The following PCDHGB5 variants were observed in gnomAD, a reference collection of about 807,000 sequenced individuals.
The protein encoded by PCDHGB5 is protocadherin gamma-B5.
PCDHGB5 carries 48 observed loss-of-function variants against 62.9 expected under a neutral mutation model. That is an observed-to-expected ratio of 0.76 (90% CI 0.61 to 0.97). PCDHGB5 has a LOEUF of 0.97. Ranked by LOEUF, PCDHGB5 falls within the 50% of genes least tolerant of loss-of-function variation. The probability of loss-of-function intolerance (pLI) is 0.00; values close to 1 mark genes in which losing one functional copy is unlikely to be tolerated. For synonymous variants in PCDHGB5, 474 were observed against 511.2 expected, an observed-to-expected ratio of 0.93 and a Z score of 0.98; for missense variants, 1,118 against 1,198.6, an observed-to-expected ratio of 0.93 and a Z score of 0.99.
At chr5:141,464,470 C>T (rs1175806879) in intron 1 of PCDHGB5, among the ~76,000 whole-genome samples, 3 of 151,194 alleles carry the variant, frequency 2.0e-5, no homozygotes, top group Non-Finnish European at 2.9e-5. Flanking sequence ...GAAGTATGTA[C>T]GTATAATAAA....
At chr5:141,405,261 T>A (rs1445565178) in intron 1 of PCDHGB5, 1 of 1,613,852 alleles carries the variant, frequency 6.2e-7, no homozygotes, top group South Asian at 1.1e-5. Context: ...CACCTGATCT[T>A]CCCCCAGCCC....
At chr5:141,418,201 A>G (rs2096236241) in intron 1 of PCDHGB5, 1 of 1,614,020 alleles carries the variant, frequency 6.2e-7, no homozygotes, top group Non-Finnish European at 8.5e-7. Flanking sequence ...AAAATCCTTT[A>G]AATATTTTTC....
At chr5:141,481,193 A>AT (rs1437708630) in intron 1 of PCDHGB5, among the ~76,000 whole-genome samples, 4 of 152,216 alleles carry the variant, frequency 2.6e-5, no homozygotes, top group African/African-American at 7.2e-5. Context: ...GCCAGGCCCA[A>AT]TTTTTTTAAA....
intron 1 of PCDHGB5, among the ~76,000 whole-genome samples, chr5:141,447,896 G>C (rs2098554754): frequency 6.6e-6 from 1 of 152,022 alleles, no homozygotes; most frequent in African/African-American, 2.4e-5. Flanking sequence ...GACCAGCCTG[G>C]CCAACATGGT....
rs562410567 is a variant in PCDHGB5 at position 141,413,096 on chromosome 5, G to A, written c.2397+12572G>A. On this transcript the variant is annotated intron_variant, in intron 1 of 3. Transcript: ENST00000617380. ...GCCCAGGCTACAGAGACACCCTGAA[G>A]CCACAGAAAGACAAAGGAACCGGTT... 25 of 1,445,574 alleles carry A rather than the reference G, an allele frequency of 1.7e-5. No homozygotes were observed. The African/African-American group carries it at 3.3e-4, about 19-fold the overall frequency. The allele number at this position is 1,445,574 out of a possible 1,614,324, so 89.5% of individuals were successfully genotyped here.
chr5:141,413,207 C>CA lies in PCDHGB5; in HGVS notation c.2397+12686dup, dbSNP rs753988593. On this transcript the variant is annotated intron_variant, in intron 1 of 3. Transcript: ENST00000617380. The stretch of plus-strand genomic sequence containing the variant: ...GCTCAAAGGAATCGCTCAAAGGAAT[C>CA]AAAGGATTGCAGCGGGCTGGTCCTG... The CA allele has an allele frequency of 1.7e-5, 27 of 1,612,874 alleles. No homozygotes were observed. In the East Asian group the frequency reaches 6.0e-4, roughly 36 times the overall value.
intron 1 of PCDHGB5, chr5:141,420,929 G>A (rs1321290902): frequency 1.4e-5 from 5 of 362,196 alleles, no homozygotes; most frequent in Non-Finnish European, 2.5e-5. Flanking sequence ...AAAGGTGAGC[G>A]TAATCATTTC....
At chr5:141,422,611 A>C in intron 1 of PCDHGB5, 3 of 1,613,762 alleles carry the variant, frequency 1.9e-6, no homozygotes, top group Non-Finnish European at 2.5e-6. Flanking sequence ...CTCTGCCTAC[A>C]TTCCCGAAAA....
chr5:141,414,540 C>G, intron 1 of PCDHGB5: 1 of 1,613,948 alleles, frequency 6.2e-7, no homozygotes. Flanking sequence ...ACCCACCTAC[C>G]TTCTCTCAAG....
At position 141,487,063 on chromosome 5, in the gene PCDHGB5, G is replaced by T; in HGVS notation, c.2398-7744G>T. The T allele has an allele frequency of 6.2e-7, 1 of 1,614,086 alleles. No homozygotes were observed. ...CTCGATATGCTGGGGAGGTGCGGACGGCTGTTCCTATCCCAGCTGACCTCC... is the reference window on the plus strand; with the variant it reads ...CTCGATATGCTGGGGAGGTGCGGACTGCTGTTCCTATCCCAGCTGACCTCC... On this transcript the variant is annotated intron_variant, in intron 1 of 3. Coordinates refer to ENST00000617380, the MANE Select transcript of PCDHGB5 (RefSeq NM_018925.3). The surrounding 1 kb of genome is among the most constrained non-coding windows in gnomAD (Gnocchi z 5.0).
chr5:141,409,600 G>A (rs778681839), intron 1 of PCDHGB5: 1 of 1,613,764 alleles, frequency 6.2e-7, no homozygotes. Context: ...AGAACAACCC[G>A]CCAGGAGCCT....
intron 2 of PCDHGB5, among the ~76,000 whole-genome samples, chr5:141,504,036 G>T (rs1472706342): frequency 6.6e-6 from 1 of 152,080 alleles, no homozygotes; most frequent in African/African-American, 2.4e-5. Flanking sequence ...ACTCATTTAG[G>T]CAACAAATAT....
intron 1 of PCDHGB5, chr5:141,427,003 T>C: frequency 2.2e-6 from 1 of 456,764 alleles, no homozygotes; most frequent in South Asian, 1.5e-5. Flanking sequence ...GCCCCAGTTT[T>C]TAGCCAGGAT....
rs1265360670 is a variant in PCDHGB5, at chr5:141,435,001, T to A, written c.2397+34477T>A. On this transcript the variant is annotated intron_variant, in intron 1 of 3. Transcript: ENST00000617380. ...TACTCTATATCATTTTCTAGCTGAATTTATCAATGATAATGCTCTTTTCCC... is the reference window on the plus strand; with the variant it reads ...TACTCTATATCATTTTCTAGCTGAAATTATCAATGATAATGCTCTTTTCCC... Among the ~76,000 whole-genome samples the A allele has an allele frequency of 3.9e-5, 6 of 152,120 alleles. No homozygotes were observed. In the East Asian group the frequency reaches 1.2e-3, roughly 29 times the overall value.
chr5:141,416,759 C>T (rs1045872662), intron 1 of PCDHGB5: 2 of 152,130 alleles, frequency 1.3e-5, no homozygotes, highest in African/African-American at 4.8e-5. Flanking sequence ...TTAGGTAGAT[C>T]TCTTAATTTT....
intron 1 of PCDHGB5, chr5:141,403,391 G>A: frequency 1.2e-6 from 2 of 1,614,046 alleles, no homozygotes; most frequent in Non-Finnish European, 1.7e-6. Flanking sequence ...CGAAATCGCG[G>A]TTCCTGGAGC....
rs757065593 is a variant in PCDHGB5, at chr5:141,418,576, C to G, written c.2397+18052C>G. 1.5e-5 allele frequency: 25 copies of G among 1,614,012 alleles called. No homozygotes were observed. In the South Asian group the frequency reaches 2.7e-4, roughly 18 times the overall value. On this transcript the variant is annotated intron_variant, in intron 1 of 3. Transcript: ENST00000617380. ...TGGTAATAGATGCCAATGACAACCCCCCAGTGTTCAGCCAGGACGTGTACA... is the reference window on the plus strand; with the variant it reads ...TGGTAATAGATGCCAATGACAACCCGCCAGTGTTCAGCCAGGACGTGTACA...
intron 1 of PCDHGB5, among the ~76,000 whole-genome samples, chr5:141,434,129 G>T (rs1242855904): frequency 6.6e-6 from 1 of 152,092 alleles, no homozygotes; most frequent in East Asian, 1.9e-4. Flanking sequence ...CTCCCTTTAG[G>T]CTGATTTCTA....
In PCDHGB5 at chr5:141,489,087, T is replaced by A. The variant is rs2099682381; in HGVS notation, c.2398-5720T>A. ...CCCCCTGCCCACCCCCGCCACTCGG[T>A]GACTAAGAACTGCTGCAAGCAGGCA... is the stretch of plus-strand genomic sequence containing the variant. On this transcript the variant is annotated intron_variant, in intron 1 of 3. Coordinates refer to ENST00000617380, the MANE Select transcript of PCDHGB5 (RefSeq NM_018925.3). This position sits in a 1 kb window ranked among gnomAD's most constrained non-coding sequence, Gnocchi z 4.5. The A allele has an allele frequency of 4.6e-6, 1 of 216,106 alleles. No individual in the cohort carries two copies. Among genetic ancestry groups the A allele is most frequent in the Non-Finnish European group, 8.4e-6 (1 of 118,734 alleles). 13.4% of individuals were successfully genotyped at this position (216,106 alleles called of 1,614,324 possible). A position where few individuals can be genotyped will look rare whatever the true frequency, so the allele number is the denominator to read the frequency against.
Sources: gnomAD v4.1 joint callset for allele counts (sites outside exome capture counted in the v4.1 genomes callset) on GRCh38, gnomAD v4.1.1 for gene constraint, Gnocchi (gnomAD v3.1) non-coding constraint, MANE v1.5 for transcripts, NCBI Gene and HGNC (gene_info 2026-07-23, HGNC 2026-07-21) for gene names.